NUDCD1: variants seen among roughly 807,000 people sequenced by gnomAD.
NUDCD1 encodes nudC domain-containing protein 1.
NUDCD1 carries 60 observed loss-of-function variants against 67.8 expected under a neutral mutation model. The ratio of observed to expected loss-of-function variants is 0.88; its 90% CI spans 0.72 to 1.10. The LOEUF (loss-of-function observed/expected upper bound fraction) is 1.10, where lower values mean the gene tolerates loss of function less well. NUDCD1 is among the 50% of genes least tolerant of loss of function. The probability of loss-of-function intolerance (pLI) is 0.00; values close to 1 mark genes in which losing one functional copy is unlikely to be tolerated. For synonymous variants in NUDCD1, 244 were observed against 230.8 expected, an observed-to-expected ratio of 1.06 and a Z score of -0.52; for missense variants, 643 against 695.0, an observed-to-expected ratio of 0.93 and a Z score of 0.84.
chr8:109,241,009 G>A lies in NUDCD1; in HGVS notation c.*2000C>T, dbSNP rs1230341853. Reference sequence around the variant, plus strand: ...TGATAAAAATCAACAAAAATACAAGGTACTATATTCTTAGCACTTGTAGTA... The same window carrying A: ...TGATAAAAATCAACAAAAATACAAGATACTATATTCTTAGCACTTGTAGTA... On this transcript the variant is annotated 3_prime_UTR_variant, in exon 10 of 10. Transcript: ENST00000239690. 6.6e-6 allele frequency: 1 copy of A among 151,720 alleles called. No individual in the cohort carries two copies. Among genetic ancestry groups the A allele is most frequent in the East Asian group, 1.9e-4 (1 of 5,172 alleles). 9.4% of individuals were successfully genotyped at this position (151,720 alleles called of 1,614,324 possible). A position where few individuals can be genotyped will look rare whatever the true frequency, so the allele number is the denominator to read the frequency against.
chr8:109,257,111 C>T (rs2129901250), intron 8 of NUDCD1, among the ~76,000 whole-genome samples: 1 of 152,184 alleles, frequency 6.6e-6, no homozygotes, highest in East Asian at 1.9e-4. Flanking sequence ...TTCCTATTCT[C>T]ATCACTGATA....
intron 2 of NUDCD1, among the ~76,000 whole-genome samples, chr8:109,316,941 T>A (rs1815413956): frequency 6.6e-6 from 1 of 152,210 alleles, no homozygotes; most frequent in Admixed American, 6.5e-5. Context: ...AAACAAGCTT[T>A]AAGAACCTAA....
At chr8:109,255,102 A>G (rs1332259424) in intron 8 of NUDCD1, among the ~76,000 whole-genome samples, 1 of 152,210 alleles carries the variant, frequency 6.6e-6, no homozygotes, top group Admixed American at 6.5e-5. Context: ...ATATATTTCC[A>G]AACTCATGTT....
At chr8:109,328,669 T>C (rs930587935) in intron 1 of NUDCD1, among the ~76,000 whole-genome samples, 2 of 152,166 alleles carry the variant, frequency 1.3e-5, no homozygotes, top group African/African-American at 4.8e-5. Context: ...GCCTCGGTAG[T>C]GGGAAATAAC....
Position 109,324,074 on chromosome 8 carries a change from C to G in NUDCD1, c.119-1611G>C, listed in dbSNP as rs1449098704. ...GGGATTATATTTAACTAAACAACAA[C>G]AACAACAAAAATACCTTCTGCAGAG... On this transcript the variant is annotated intron_variant, in intron 1 of 9. Coordinates refer to ENST00000239690, the MANE Select transcript of NUDCD1 (RefSeq NM_032869.4). Among the ~76,000 whole-genome samples, 3 of 151,758 alleles carry G rather than the reference C, an allele frequency of 2.0e-5. No homozygotes were observed. In the East Asian group the frequency reaches 5.8e-4, roughly 29 times the overall value.
rs1304221412 is a variant in NUDCD1, at chr8:109,241,056, T to C, written c.*1953A>G. ...AGTATATATCTCAATGTTCTAAGTA[T>C]ATGTACCTTAGAACATTGTTTAAAT... On this transcript the variant is annotated 3_prime_UTR_variant, in exon 10 of 10. Transcript: ENST00000239690. 1 of 152,164 alleles carries C rather than the reference T, an allele frequency of 6.6e-6. No homozygotes were observed. The highest frequency in any genetic ancestry group is 2.4e-5 in the African/African-American group (1 of 41,458). 9.4% of individuals were successfully genotyped at this position (152,164 alleles called of 1,614,324 possible). A position where few individuals can be genotyped will look rare whatever the true frequency, so the allele number is the denominator to read the frequency against.
At chr8:109,251,089 G>C (rs1188120381) in intron 8 of NUDCD1, among the ~76,000 whole-genome samples, 1 of 152,016 alleles carries the variant, frequency 6.6e-6, no homozygotes, top group South Asian at 2.1e-4. Flanking sequence ...TCTGCGGCTG[G>C]AGATTTCTTT....
At chr8:109,292,371 G>A (rs986056799) in intron 4 of NUDCD1, among the ~76,000 whole-genome samples, 1 of 151,976 alleles carries the variant, frequency 6.6e-6, no homozygotes, top group African/African-American at 2.4e-5. Context: ...ATACTTCAAA[G>A]AACAAATCTA....
At chr8:109,263,896 T>C (rs924621073) in intron 8 of NUDCD1, among the ~76,000 whole-genome samples, 13 of 152,344 alleles carry the variant, frequency 8.5e-5, no homozygotes, top group African/African-American at 3.1e-4. Flanking sequence ...TAGCACCACA[T>C]ACTAGTAATT....
chr8:109,305,162 T>C (rs1301457690), intron 2 of NUDCD1, among the ~76,000 whole-genome samples: 4 of 152,180 alleles, frequency 2.6e-5, no homozygotes, highest in South Asian at 2.1e-4. Flanking sequence ...GCTTGGGAAT[T>C]TGTCTCTGCC....
intron 7 of NUDCD1, among the ~76,000 whole-genome samples, chr8:109,273,500 A>C: frequency 6.6e-6 from 1 of 152,128 alleles, no homozygotes; most frequent in African/African-American, 2.4e-5. Flanking sequence ...TCACCTTCAA[A>C]AATAGAAAAA....
In NUDCD1 at chr8:109,281,082, T is replaced by C; in HGVS notation, c.914A>G (p.Gln305Arg). The change falls in exon 6 of 10, where the codon CAG becomes CGG. Residue 305 changes from glutamine (Q) to arginine (R), a missense_variant. Coordinates refer to ENST00000239690, the MANE Select transcript of NUDCD1 (RefSeq NM_032869.4). ...EDSTKEDIQI[Q>R]FLPDHINIVL... is the part of the protein sequence containing the mutation. ...AATGTTGATGTGATCAGGCAAAAAC[T>C]GTATTTGAATGTCCTCCTTAGTACT... 6.2e-7 allele frequency: 1 copy of C among 1,613,034 alleles called. No homozygotes were observed. The highest frequency in any genetic ancestry group is 8.5e-7 in the Non-Finnish European group (1 of 1,179,104).
chr8:109,308,646 C>A (rs933545488), intron 2 of NUDCD1, among the ~76,000 whole-genome samples: 2 of 151,956 alleles, frequency 1.3e-5, no homozygotes, highest in African/African-American at 4.8e-5. Context: ...AAATGGGAGA[C>A]ATTACAATTT....
intron 5 of NUDCD1, among the ~76,000 whole-genome samples, chr8:109,284,864 T>A (rs562530752): frequency 6.7e-6 from 1 of 148,996 alleles, no homozygotes; most frequent in African/African-American, 2.5e-5. Context: ...AAACAATGAA[T>A]CCATGAAACC....
intron 6 of NUDCD1, among the ~76,000 whole-genome samples, chr8:109,279,668 A>C (rs577547199): frequency 6.6e-6 from 1 of 151,382 alleles, no homozygotes; most frequent in Non-Finnish European, 1.5e-5. Flanking sequence ...ACGTAGTTTC[A>C]CTCTTATTGC....
rs956600408 is a variant in NUDCD1, at chr8:109,275,348, T to G, written c.1173+4A>C. 18 of 1,612,176 alleles carry G rather than the reference T, an allele frequency of 1.1e-5. No homozygotes were observed. The highest frequency in any genetic ancestry group is 3.3e-5 in the Admixed American group (2 of 59,754). ...AAAGTCACACTACTATTCCAACTAC[T>G]TACCAGTTCTTCAGAGGTCAAATGC... On this transcript the variant is annotated splice_donor_region_variant and intron_variant, in intron 7 of 9. Transcript: ENST00000239690.
At chr8:109,248,653 G>T (rs1813554225) in intron 8 of NUDCD1, among the ~76,000 whole-genome samples, 1 of 144,356 alleles carries the variant, frequency 6.9e-6, no homozygotes, top group Non-Finnish European at 1.5e-5. Context: ...GTGCCTTTTA[G>T]TTCTCACTTC....
intron 1 of NUDCD1, among the ~76,000 whole-genome samples, chr8:109,330,558 G>T (rs1474448881): frequency 6.6e-6 from 1 of 152,116 alleles, no homozygotes; most frequent in African/African-American, 2.4e-5. Context: ...GTGAACTATT[G>T]CAAAAGCCTC....
At chr8:109,267,716 G>C (rs1189822791) in intron 8 of NUDCD1, among the ~76,000 whole-genome samples, 1 of 152,180 alleles carries the variant, frequency 6.6e-6, no homozygotes, top group Non-Finnish European at 1.5e-5. Flanking sequence ...AGTTAAAACA[G>C]TATGTACAAA....
Sources: allele counts gnomAD v4.1 joint callset (sites outside exome capture counted in the v4.1 genomes callset), GRCh38; gene constraint gnomAD v4.1.1; transcripts MANE v1.5; gene names NCBI Gene and HGNC (gene_info 2026-07-23, HGNC 2026-07-21).